The following RBFOX1 variants were observed in gnomAD, a reference collection of about 807,000 sequenced individuals.
RBFOX1 encodes RNA binding fox-1 homolog 1.
Under a neutral mutation model 57.7 loss-of-function variants are expected in RBFOX1, and 8 were observed. The observed-to-expected ratio is 0.14, with a 90% CI of 0.08 to 0.25. RBFOX1 has a LOEUF of 0.25. Among genes scored for constraint, RBFOX1 ranks in the 10% least tolerant of loss-of-function variants. The pLI is 1.00. For missense variants in RBFOX1, 611 were observed against 548.5 expected, an observed-to-expected ratio of 1.11 and a Z score of -1.14; for synonymous variants, 326 against 222.4, an observed-to-expected ratio of 1.47 and a Z score of -4.15.
intron 3 of RBFOX1, among the ~76,000 whole-genome samples, chr16:5,795,828 G>T (rs565962786): frequency 6.6e-6 from 1 of 152,226 alleles, no homozygotes; most frequent in Admixed American, 6.5e-5. Flanking sequence ...GGAAGGATTT[G>T]CTTTTTTTCA....
At chr16:6,377,067 G>A (rs942895129) in intron 2 of RBFOX1, among the ~76,000 whole-genome samples, 1 of 151,690 alleles carries the variant, frequency 6.6e-6, no homozygotes, top group African/African-American at 2.4e-5. Flanking sequence ...GAACTCAGGA[G>A]TTCGATACCA....
chr16:5,927,642 C>G (rs560122854), intron 4 of RBFOX1, among the ~76,000 whole-genome samples: 4 of 152,326 alleles, frequency 2.6e-5, no homozygotes, highest in African/African-American at 7.2e-5. Flanking sequence ...GAGATATCTG[C>G]AGTCTCATGT....
At chr16:6,312,356 T>C (rs1415106224) in intron 1 of RBFOX1, among the ~76,000 whole-genome samples, 2 of 152,076 alleles carry the variant, frequency 1.3e-5, no homozygotes, top group East Asian at 1.9e-4. Flanking sequence ...CACTCTCTTC[T>C]TCTTCTCTCT....
chr16:6,605,576 C>T (rs1329035419), intron 2 of RBFOX1, among the ~76,000 whole-genome samples: 2 of 152,158 alleles, frequency 1.3e-5, no homozygotes, highest in Non-Finnish European at 2.9e-5. Context: ...GTGAATCTCT[C>T]ATTTTTACTT....
At chr16:7,206,056 T>C (rs1329120633) in intron 4 of RBFOX1, among the ~76,000 whole-genome samples, 1 of 152,216 alleles carries the variant, frequency 6.6e-6, no homozygotes, top group East Asian at 1.9e-4. Context: ...TAGTTTTACT[T>C]AGACTGACAC....
chr16:7,200,555 C>T (rs897520615), intron 4 of RBFOX1, among the ~76,000 whole-genome samples: 2 of 152,112 alleles, frequency 1.3e-5, no homozygotes, highest in Non-Finnish European at 2.9e-5. Flanking sequence ...ATTTTCTGCT[C>T]GAGGAAAAAC....
rs144044469 is a variant in RBFOX1, at chr16:6,672,543, G to GAAAGA, written c.-16+17911_-16+17915dup. ...AGAAAAAAGAAAAGAAAGAACAGGA[G>GAAAGA]AAAGAAAAGAAAAGAAAAGAAAGAG... On this transcript the variant is annotated intron_variant, in intron 3 of 15. Coordinates refer to ENST00000550418, the MANE Select transcript of RBFOX1 (RefSeq NM_018723.4). 6.1e-3 allele frequency among the ~76,000 whole-genome samples: 926 copies of GAAAGA among 151,508 alleles called. 5 individuals carry two copies. Among genetic ancestry groups the GAAAGA allele is most frequent in the African/African-American group, 0.021 (852 of 41,024 alleles).
At chr16:5,836,355 C>T (rs927039297) in intron 3 of RBFOX1, among the ~76,000 whole-genome samples, 1 of 152,138 alleles carries the variant, frequency 6.6e-6, no homozygotes, top group African/African-American at 2.4e-5. Context: ...TGGGGTAGTT[C>T]TGAGGCAGAG....
intron 1 of RBFOX1, among the ~76,000 whole-genome samples, chr16:6,056,231 A>G (rs759186335): frequency 1.4e-4 from 21 of 152,188 alleles, no homozygotes; most frequent in Non-Finnish European, 2.9e-4. Flanking sequence ...CATATTATGG[A>G]CAAAGTGAAT....
At chr16:6,725,329 G>C (rs780466384) in intron 3 of RBFOX1, among the ~76,000 whole-genome samples, 1 of 152,040 alleles carries the variant, frequency 6.6e-6, no homozygotes, top group Non-Finnish European at 1.5e-5. Flanking sequence ...GGGATTACAG[G>C]TTTGAGCCAC....
At chr16:5,498,414 G>A (rs527915732) in intron 2 of RBFOX1, among the ~76,000 whole-genome samples, 1 of 152,308 alleles carries the variant, frequency 6.6e-6, no homozygotes, top group Admixed American at 6.5e-5. Context: ...AAAGTGCTGG[G>A]ATTACAGGCG....
intron 4 of RBFOX1, among the ~76,000 whole-genome samples, chr16:7,095,837 A>C (rs7194267): frequency 0.93 from 140,907 of 152,014 alleles, 65,453 homozygotes; most frequent in East Asian, 1. Flanking sequence ...ACGGTGAAAC[A>C]CCTTCTGTAC....
intron 3 of RBFOX1, among the ~76,000 whole-genome samples, chr16:6,690,493 C>A (rs553648991): frequency 6.6e-6 from 1 of 151,952 alleles, no homozygotes; most frequent in South Asian, 2.1e-4. Context: ...ATAAAATTAA[C>A]CTATTTGTTT....
At chr16:6,023,267 C>CTATATA (rs58852639) in intron 1 of RBFOX1, among the ~76,000 whole-genome samples, 96 of 147,642 alleles carry the variant, frequency 6.5e-4, no homozygotes, top group Middle Eastern at 3.5e-3. Flanking sequence ...ATAATTGAAG[C>CTATATA]TATATATATA....
At chr16:6,350,415 TG>T (rs1355750306) in intron 2 of RBFOX1, among the ~76,000 whole-genome samples, 1 of 119,212 alleles carries the variant, frequency 8.4e-6, no homozygotes, top group Non-Finnish European at 1.6e-5. Flanking sequence ...CGCTCCAGCC[TG>T]GGCAACAAGA....
intron 4 of RBFOX1, among the ~76,000 whole-genome samples, chr16:5,889,684 T>G (rs2057998386): frequency 6.6e-6 from 1 of 152,094 alleles, no homozygotes; most frequent in South Asian, 2.1e-4. Context: ...AAAGCCAACG[T>G]GGAGGAGCGC....
At chr16:6,063,870 C>T (rs1596881155) in intron 1 of RBFOX1, among the ~76,000 whole-genome samples, 1 of 152,114 alleles carries the variant, frequency 6.6e-6, no homozygotes, top group African/African-American at 2.4e-5. Context: ...TCTTTATATC[C>T]TTTACTGGCC....
chr16:5,442,657 A>G (rs1364257582), intron 1 of RBFOX1, among the ~76,000 whole-genome samples: 1 of 152,180 alleles, frequency 6.6e-6, no homozygotes, highest in Non-Finnish European at 1.5e-5. Context: ...GAGTGGTTGT[A>G]TCTATTTCTA....
intron 11 of RBFOX1, 147 bp downstream of exon 11, chr16:7,630,830 C>A (rs1188008228): frequency 3.5e-6 from 5 of 1,440,414 alleles, no homozygotes; most frequent in Non-Finnish European, 4.6e-6. Context: ...ATAAGCATGT[C>A]TGTCTCCCAT....
Sources: gnomAD v4.1 joint callset for allele counts (sites outside exome capture counted in the v4.1 genomes callset) on GRCh38, gnomAD v4.1.1 for gene constraint, MANE v1.5 for transcripts, NCBI Gene and HGNC (gene_info 2026-07-23, HGNC 2026-07-21) for gene names.